PHF12: variants seen among roughly 807,000 people sequenced by gnomAD.
The protein encoded by PHF12 is PHD factor 1.
A neutral mutation model predicts 99.8 loss-of-function variants in PHF12; 6 were observed. The observed-to-expected ratio is 0.06, with a 90% CI of 0.03 to 0.12. The LOEUF (loss-of-function observed/expected upper bound fraction) is 0.12, where lower values mean the gene tolerates loss of function less well. Ranked by LOEUF, PHF12 falls within the 10% of genes least tolerant of loss-of-function variation. The probability of loss-of-function intolerance (pLI) is 1.00; values close to 1 mark genes in which losing one functional copy is unlikely to be tolerated. For synonymous variants in PHF12, 480 were observed against 514.9 expected, an observed-to-expected ratio of 0.93 and a Z score of 0.92; for missense variants, 954 against 1,300.1, an observed-to-expected ratio of 0.73 and a Z score of 4.09.
intron 2 of PHF12, among the ~76,000 whole-genome samples, chr17:28,934,598 TTTTTC>T (rs1169726081): frequency 6.6e-6 from 1 of 151,286 alleles, no homozygotes; most frequent in Non-Finnish European, 1.5e-5. Context: ...TTTCTTTCTT[TTTTTC>T]TTTTCTATTT....
intron 2 of PHF12, among the ~76,000 whole-genome samples, chr17:28,932,499 T>C (rs2040431542): frequency 2.0e-5 from 3 of 152,124 alleles, no homozygotes; most frequent in African/African-American, 7.2e-5. Context: ...GTCATTGGGG[T>C]AAGCTCAGGA....
chr17:28,926,830 G>A (rs1404213542), intron 3 of PHF12, 161 bp downstream of exon 3: 4 of 1,538,084 alleles, frequency 2.6e-6, no homozygotes, highest in Admixed American at 3.9e-5. Flanking sequence ...AGGCCCTACT[G>A]GATTCCAAAC....
At chr17:28,920,722 C>T (rs2040147561) in intron 5 of PHF12, among the ~76,000 whole-genome samples, 1 of 151,922 alleles carries the variant, frequency 6.6e-6, no homozygotes, top group Non-Finnish European at 1.5e-5. Flanking sequence ...GCCACCACAC[C>T]CAGCTAATTT....
Position 28,951,249 on chromosome 17 carries a change from A to T in PHF12, c.-289T>A. ...AGGCCTCGGCGGGGCCTAGTCCCAC[A>T]GGCTAAAGCCGGCACTGGCGACAGC... On this transcript the variant is annotated 5_prime_UTR_variant, in exon 1 of 15. Coordinates refer to ENST00000332830, the MANE Select transcript of PHF12 (RefSeq NM_001033561.2). 7.9e-7 allele frequency: 1 copy of T among 1,257,910 alleles called. No individual in the cohort carries two copies. The highest frequency in any genetic ancestry group is 3.1e-4 in the Middle Eastern group (1 of 3,214). The allele number at this position is 1,257,910 out of a possible 1,614,324, so 77.9% of individuals were successfully genotyped here. A position where few individuals can be genotyped will look rare whatever the true frequency, so the allele number is the denominator to read the frequency against.
chr17:28,920,896 C>G (rs893782638), intron 5 of PHF12, among the ~76,000 whole-genome samples: 1 of 149,234 alleles, frequency 6.7e-6, no homozygotes, highest in Non-Finnish European at 1.5e-5. Flanking sequence ...TTTTTTGAGA[C>G]GGAGTCTTGC....
intron 2 of PHF12, among the ~76,000 whole-genome samples, chr17:28,935,562 A>G (rs1238063941): frequency 6.6e-6 from 1 of 151,812 alleles, no homozygotes; most frequent in African/African-American, 2.4e-5. Flanking sequence ...GTGAGCCACC[A>G]CTCCTGGCCC....
intron 4 of PHF12, 91 bp from the exon 5 acceptor site, chr17:28,921,899 C>G (rs1451755509): frequency 2.8e-5 from 43 of 1,553,920 alleles, no homozygotes; most frequent in Non-Finnish European, 3.5e-5. Context: ...AAAAACAGAT[C>G]TTAAGCATGT....
At chr17:28,912,037 CT>C in intron 9 of PHF12, 3 of 950,066 alleles carry the variant, frequency 3.2e-6, no homozygotes, top group Non-Finnish European at 3.8e-6. Flanking sequence ...TTAACTCTTT[CT>C]GAGAATATGC....
chr17:28,931,318 C>T (rs976793094), intron 2 of PHF12, among the ~76,000 whole-genome samples: 1 of 148,796 alleles, frequency 6.7e-6, no homozygotes, highest in Non-Finnish European at 1.5e-5. Flanking sequence ...TGCAGTGGCG[C>T]GATCTTGGCT....
chr17:28,934,327 C>A (rs933425191), intron 2 of PHF12, among the ~76,000 whole-genome samples: 6 of 152,154 alleles, frequency 3.9e-5, no homozygotes, highest in Non-Finnish European at 8.8e-5. Flanking sequence ...ACATTTGGTA[C>A]CTGAAGGTGA....
chr17:28,949,721 G>A lies in PHF12; in HGVS notation c.248+344C>T, dbSNP rs1447392252. ...CCCGAGGGCAGCGGGCGCGCGGGCAGGCAAGCGGCACTGGGCCCGGAGCTC... is the reference window on the plus strand; with the variant it reads ...CCCGAGGGCAGCGGGCGCGCGGGCAAGCAAGCGGCACTGGGCCCGGAGCTC... On this transcript the variant is annotated intron_variant, in intron 2 of 14. Transcript: ENST00000332830. This position sits in a 1 kb window ranked among gnomAD's most constrained non-coding sequence, Gnocchi z 4.6. The A allele has an allele frequency of 1.0e-5, 2 of 195,898 alleles. No homozygotes were observed. Among genetic ancestry groups the A allele is most frequent in the East Asian group, 1.3e-4 (1 of 7,962 alleles). 12.1% of individuals were successfully genotyped at this position (195,898 alleles called of 1,614,324 possible).
intron 2 of PHF12, among the ~76,000 whole-genome samples, chr17:28,934,224 A>C (rs776689939): frequency 6.6e-6 from 1 of 152,226 alleles, no homozygotes; most frequent in Non-Finnish European, 1.5e-5. Flanking sequence ...GAGAACATAC[A>C]TAATCAACTA....
intron 2 of PHF12, among the ~76,000 whole-genome samples, chr17:28,938,419 G>A (rs994725401): frequency 8.6e-5 from 13 of 151,968 alleles, no homozygotes; most frequent in African/African-American, 2.9e-4. Flanking sequence ...TAGTAGAGAC[G>A]GGGTTTCACC....
chr17:28,919,018 G>T, intron 6 of PHF12, 125 bp downstream of exon 6: 1 of 1,244,906 alleles, frequency 8.0e-7, no homozygotes, highest in Non-Finnish European at 1.1e-6. Context: ...AGGGTGGCCT[G>T]CAGAAACCAG....
At chr17:28,936,513 T>A (rs1463825926) in intron 2 of PHF12, among the ~76,000 whole-genome samples, 1 of 152,210 alleles carries the variant, frequency 6.6e-6, no homozygotes, top group Non-Finnish European at 1.5e-5. Flanking sequence ...ACCAACAGCC[T>A]ACTAAGCAGG....
intron 3 of PHF12, 121 bp from the exon 4 acceptor site, chr17:28,924,423 A>C: frequency 2.2e-6 from 3 of 1,336,546 alleles, no homozygotes; most frequent in Non-Finnish European, 3.2e-6. Context: ...TCACAGACTC[A>C]TCTACCTGGT....
Position 28,951,315 on chromosome 17 carries a change from G to T in PHF12, c.-355C>A. The T allele has an allele frequency of 1.8e-6, 2 of 1,089,932 alleles. No homozygotes were observed. The highest frequency in any genetic ancestry group is 2.2e-6 in the Non-Finnish European group (2 of 894,054). The allele number at this position is 1,089,932 out of a possible 1,614,324, so 67.5% of individuals were successfully genotyped here. A position where few individuals can be genotyped will look rare whatever the true frequency, so the allele number is the denominator to read the frequency against. Reference sequence around the variant, plus strand: ...GGCTGGCGGGCGCTGCCATCCCGGGGCTGGGGGTATCGGAGGGGGGGTGAG... The same window carrying T: ...GGCTGGCGGGCGCTGCCATCCCGGGTCTGGGGGTATCGGAGGGGGGGTGAG... On this transcript the variant is annotated 5_prime_UTR_variant, in exon 1 of 15. Transcript: ENST00000332830.
In PHF12 at chr17:28,905,533, T is replaced by G. The variant is rs779212163; in HGVS notation, c.*650A>C. On this transcript the variant is annotated 3_prime_UTR_variant, in exon 15 of 15. Transcript: ENST00000332830. ...ACATTGAAAAAATGTCATCACTAGA[T>G]GTATTTACACAAAATCCAAATACAC... The G allele has an allele frequency of 3.3e-5, 5 of 152,600 alleles. No individual in the cohort carries two copies. The highest frequency in any genetic ancestry group is 5.9e-5 in the Non-Finnish European group (4 of 68,050). The allele number at this position is 152,600 out of a possible 1,614,324, so 9.5% of individuals were successfully genotyped here.
chr17:28,920,481 A>C (rs1036785142), intron 5 of PHF12, among the ~76,000 whole-genome samples: 6 of 152,256 alleles, frequency 3.9e-5, no homozygotes, highest in African/African-American at 1.4e-4. Context: ...ACACACTATC[A>C]TAGATCCTTA....
Sources: allele counts gnomAD v4.1 joint callset (sites outside exome capture counted in the v4.1 genomes callset), GRCh38; gene constraint gnomAD v4.1.1; non-coding constraint Gnocchi (gnomAD v3.1); transcripts MANE v1.5; gene names NCBI Gene and HGNC (gene_info 2026-07-23, HGNC 2026-07-21).